Variants in FSTL4 observed in about 807,000 individuals in gnomAD.
FSTL4 encodes follistatin-related protein 4.
A neutral mutation model predicts 78.2 loss-of-function variants in FSTL4; 28 were observed. The ratio of observed to expected loss-of-function variants is 0.36; its 90% CI spans 0.27 to 0.49. The LOEUF (loss-of-function observed/expected upper bound fraction) is 0.49, where lower values mean the gene tolerates loss of function less well. FSTL4 is among the 20% of genes least tolerant of loss of function. FSTL4 has a pLI of 0.98. For synonymous variants in FSTL4, 422 were observed against 440.5 expected (o/e 0.96, Z 0.53); for missense variants, 922 against 1,084.9 (o/e 0.85, Z 2.11).
the FSTL4 span, among the ~76,000 whole-genome samples, chr5:133,637,878 G>T: frequency 6.6e-6 from 1 of 150,988 alleles, no homozygotes; most frequent in Non-Finnish European, 1.5e-5. Flanking sequence ...GACTTAATGG[G>T]CTCCAGTCAC....
chr5:133,687,575 G>A, the FSTL4 span, among the ~76,000 whole-genome samples: 9 of 152,146 alleles, frequency 5.9e-5, no homozygotes, highest in South Asian at 1.9e-3. Flanking sequence ...AAGGGCTTTG[G>A]AAAGCCTTCC....
chr5:133,347,866 T>C (rs1004087249), intron 4 of FSTL4, among the ~76,000 whole-genome samples: 1 of 152,190 alleles, frequency 6.6e-6, no homozygotes. Context: ...AGTTTCCACT[T>C]TAGAGATGAG....
chr5:133,513,996 G>A (rs1758795686), intron 3 of FSTL4, among the ~76,000 whole-genome samples: 1 of 152,008 alleles, frequency 6.6e-6, no homozygotes, highest in African/African-American at 2.4e-5. Flanking sequence ...GGCTAACACG[G>A]TGAAACCCCG....
intron 3 of FSTL4, among the ~76,000 whole-genome samples, chr5:133,459,802 G>A (rs1173731815): frequency 1.3e-5 from 2 of 152,122 alleles, no homozygotes; most frequent in Non-Finnish European, 2.9e-5. Context: ...GGTTATCTTT[G>A]ATGAACTCTG....
intron 2 of FSTL4, among the ~76,000 whole-genome samples, chr5:133,596,767 C>T (rs1472222468): frequency 6.6e-6 from 1 of 152,222 alleles, no homozygotes; most frequent in Non-Finnish European, 1.5e-5. Context: ...TGTGCAAGAT[C>T]AAACTGAAAC....
intron 4 of FSTL4, among the ~76,000 whole-genome samples, chr5:133,332,257 T>A (rs1754366681): frequency 6.6e-6 from 1 of 152,242 alleles, no homozygotes; most frequent in African/African-American, 2.4e-5. Flanking sequence ...TGATGGGATT[T>A]GGCAGATGTG....
chr5:133,535,582 G>A (rs1051156883), intron 3 of FSTL4, among the ~76,000 whole-genome samples: 4 of 152,276 alleles, frequency 2.6e-5, no homozygotes, highest in South Asian at 2.1e-4. Flanking sequence ...TAATAAATAC[G>A]TGGGTAAATC....
chr5:133,466,383 A>G (rs1035691274), intron 3 of FSTL4, among the ~76,000 whole-genome samples: 5 of 152,178 alleles, frequency 3.3e-5, no homozygotes, highest in African/African-American at 1.2e-4. Context: ...TCTACTAAAA[A>G]TACAAAAAAT....
At chr5:133,840,365 C>T in the FSTL4 span, among the ~76,000 whole-genome samples, 1 of 152,166 alleles carries the variant, frequency 6.6e-6, no homozygotes, top group Non-Finnish European at 1.5e-5. Context: ...AAATTTATTG[C>T]CTTGTAAATG....
At chr5:133,562,513 G>A (rs753910513) in intron 3 of FSTL4, among the ~76,000 whole-genome samples, 4 of 152,146 alleles carry the variant, frequency 2.6e-5, no homozygotes, top group Non-Finnish European at 5.9e-5. Context: ...CTGCAAAGGA[G>A]CCAGAGCCAT....
chr5:133,249,827 G>A (rs1212390164), intron 6 of FSTL4, among the ~76,000 whole-genome samples: 1 of 152,268 alleles, frequency 6.6e-6, no homozygotes, highest in African/African-American at 2.4e-5. Context: ...GTAATGTGCT[G>A]AGGACAATCT....
At chr5:133,758,490 C>T in the FSTL4 span, among the ~76,000 whole-genome samples, 2 of 152,154 alleles carry the variant, frequency 1.3e-5, no homozygotes, top group African/African-American at 2.4e-5. Context: ...GAAGAACCAA[C>T]ACTCTTCTCC....
chr5:133,508,921 T>A (rs997029902), intron 3 of FSTL4, among the ~76,000 whole-genome samples: 3 of 152,156 alleles, frequency 2.0e-5, no homozygotes, highest in Non-Finnish European at 4.4e-5. Context: ...GCTGATCTTG[T>A]TAATCATCTT....
the FSTL4 span, among the ~76,000 whole-genome samples, chr5:133,642,940 A>T: frequency 1.3e-5 from 2 of 152,238 alleles, no homozygotes; most frequent in African/African-American, 4.8e-5. Context: ...ATAAAGCACA[A>T]GAACAAATTG....
the FSTL4 span, among the ~76,000 whole-genome samples, chr5:133,677,060 T>C: frequency 2.9e-3 from 445 of 152,376 alleles, 6 homozygotes; most frequent in Non-Finnish European, 3.2e-3. Flanking sequence ...GTTTCATTAG[T>C]ACATTCGTGC....
At chr5:133,661,626 T>A in the FSTL4 span, among the ~76,000 whole-genome samples, 2 of 152,332 alleles carry the variant, frequency 1.3e-5, no homozygotes, top group South Asian at 4.2e-4. Flanking sequence ...GTTAGAAAGG[T>A]ATTTTGAATA....
At chr5:133,603,825 T>A in intron 2 of FSTL4, 33 bp downstream of exon 2, 1 of 1,607,784 alleles carries the variant, frequency 6.2e-7, no homozygotes, top group Non-Finnish European at 8.5e-7. Context: ...GCAATCAGTT[T>A]GAAATGTTAT....
At chr5:133,779,149 G>A in the FSTL4 span, among the ~76,000 whole-genome samples, 1 of 152,084 alleles carries the variant, frequency 6.6e-6, no homozygotes, top group Non-Finnish European at 1.5e-5. Flanking sequence ...CAATCCTCCA[G>A]AACAAATCCC....
chr5:133,640,293 C>T, the FSTL4 span, among the ~76,000 whole-genome samples: 2 of 152,204 alleles, frequency 1.3e-5, no homozygotes, highest in Non-Finnish European at 1.5e-5. Flanking sequence ...GGAGAATGGG[C>T]CATCTTAGAT....
Sources: gnomAD v4.1 joint callset for allele counts (sites outside exome capture counted in the v4.1 genomes callset) on GRCh38, gnomAD v4.1.1 for gene constraint, MANE v1.5 for transcripts, NCBI Gene and HGNC (gene_info 2026-07-23, HGNC 2026-07-21) for gene names.